The following GLIS3 variants were observed in gnomAD, a reference collection of about 807,000 sequenced individuals.
GLIS3 encodes GLIS family zinc finger 3.
A neutral mutation model predicts 78.6 loss-of-function variants in GLIS3; 53 were observed. The ratio of observed to expected loss-of-function variants is 0.67; its 90% CI spans 0.54 to 0.85. The LOEUF (loss-of-function observed/expected upper bound fraction) is 0.85, where lower values mean the gene tolerates loss of function less well. Among genes scored for constraint, GLIS3 ranks in the 40% least tolerant of loss-of-function variants. The probability of loss-of-function intolerance (pLI) is 0.00; values close to 1 mark genes in which losing one functional copy is unlikely to be tolerated. For synonymous variants in GLIS3, 684 were observed against 509.9 expected, an observed-to-expected ratio of 1.34 and a Z score of -4.60; for missense variants, 1,703 against 1,231.1, an observed-to-expected ratio of 1.38 and a Z score of -5.74.
In GLIS3 at chr9:4,223,313, C is replaced by G. The variant is rs992404520; in HGVS notation, c.388+62725G>C. Among the ~76,000 whole-genome samples, 10 of 152,180 alleles carry G rather than the reference C, an allele frequency of 6.6e-5. No homozygotes were observed. The South Asian group carries it at 8.3e-4, about 13-fold the overall frequency. On this transcript the variant is annotated intron_variant, in intron 2 of 10. Transcript: ENST00000381971. ...TGTCACTTTGGACAAGTTATTTAAT[C>G]TGGTGGGTGAGAAGGATACACAGCC...
the GLIS3 span, among the ~76,000 whole-genome samples, chr9:4,489,007 C>T: frequency 6.6e-6 from 1 of 152,182 alleles, no homozygotes; most frequent in Non-Finnish European, 1.5e-5. Context: ...GCTGCGACTA[C>T]AGGCACGTGC....
At chr9:4,469,401 GC>G in the GLIS3 span, among the ~76,000 whole-genome samples, 1 of 152,112 alleles carries the variant, frequency 6.6e-6, no homozygotes, top group Non-Finnish European at 1.5e-5. Context: ...GCACTCCTCA[GC>G]AAATGTAAAA....
At chr9:4,208,150 T>A (rs1000478436) in intron 2 of GLIS3, among the ~76,000 whole-genome samples, 2 of 152,248 alleles carry the variant, frequency 1.3e-5, no homozygotes, top group African/African-American at 4.8e-5. Flanking sequence ...AAAGCTTTTA[T>A]TTGACAAAGC....
intron 2 of GLIS3, among the ~76,000 whole-genome samples, chr9:4,326,051 T>C (rs1395395004): frequency 6.6e-6 from 1 of 152,108 alleles, no homozygotes; most frequent in Non-Finnish European, 1.5e-5. Context: ...CTGGGGCCTG[T>C]CGGGGGTGGC....
At chr9:4,354,268 G>A in the GLIS3 span, among the ~76,000 whole-genome samples, 1 of 152,122 alleles carries the variant, frequency 6.6e-6, no homozygotes, top group Non-Finnish European at 1.5e-5. Context: ...ACTTTCTCCA[G>A]CCAAACTTCC....
rs1820067924 is a variant in GLIS3, at chr9:4,208,400, G to C, written c.388+77638C>G. On this transcript the variant is annotated intron_variant, in intron 2 of 10. Coordinates refer to ENST00000381971, the MANE Select transcript of GLIS3 (RefSeq NM_001042413.2). Reference sequence around the variant, plus strand: ...CAGCTCAGCCTGACGTCAATGGCAAGGGGACTGAGCAAGGATCATGCCTCT... The same window carrying C: ...CAGCTCAGCCTGACGTCAATGGCAACGGGACTGAGCAAGGATCATGCCTCT... Among the ~76,000 whole-genome samples, 3 of 152,190 alleles carry C rather than the reference G, an allele frequency of 2.0e-5. No individual in the cohort carries two copies. The South Asian group carries it at 6.2e-4, about 32-fold the overall frequency.
intron 6 of GLIS3, 83 bp from the exon 7 acceptor site, chr9:3,898,918 G>C (rs749355262): frequency 2.0e-5 from 31 of 1,582,064 alleles, no homozygotes; most frequent in Non-Finnish European, 2.7e-5. Context: ...TGCTCTATCA[G>C]TGCAACTCAG....
intron 1 of GLIS3, among the ~76,000 whole-genome samples, chr9:4,297,889 C>G (rs4487831): frequency 2.6e-5 from 4 of 151,898 alleles, no homozygotes; most frequent in Non-Finnish European, 5.9e-5. Context: ...TATCGGTTCC[C>G]TATAGGACTG....
chr9:4,417,266 A>G, the GLIS3 span, among the ~76,000 whole-genome samples: 2 of 152,148 alleles, frequency 1.3e-5, no homozygotes, highest in African/African-American at 4.8e-5. Context: ...TGCTGTGGTG[A>G]CTGAATTTGA....
chr9:3,961,457 G>T (rs899764180), intron 4 of GLIS3, among the ~76,000 whole-genome samples: 5 of 152,192 alleles, frequency 3.3e-5, no homozygotes, highest in African/African-American at 1.2e-4. Context: ...TGGAAGTCAG[G>T]TGGAATTAAA....
At chr9:4,042,598 A>G (rs1824912548) in intron 4 of GLIS3, among the ~76,000 whole-genome samples, 1 of 152,152 alleles carries the variant, frequency 6.6e-6, no homozygotes, top group African/African-American at 2.4e-5. Context: ...ACTGATTCTG[A>G]GCAATTTATG....
intron 2 of GLIS3, among the ~76,000 whole-genome samples, chr9:4,259,695 G>T (rs1281240252): frequency 6.6e-6 from 1 of 152,180 alleles, no homozygotes; most frequent in Non-Finnish European, 1.5e-5. Context: ...AGCGAAGGAG[G>T]CAGGACCTGT....
the GLIS3 span, among the ~76,000 whole-genome samples, chr9:4,434,425 AT>A: frequency 1.3e-5 from 2 of 152,218 alleles, no homozygotes; most frequent in Non-Finnish European, 1.5e-5. Flanking sequence ...GCTCAAAAAA[AT>A]CTTTCCTAAG....
intron 9 of GLIS3, among the ~76,000 whole-genome samples, chr9:3,846,791 T>C (rs917320266): frequency 5.3e-5 from 8 of 152,148 alleles, no homozygotes; most frequent in Non-Finnish European, 1.2e-4. Context: ...CAAGAAGCAG[T>C]AATATATTAA....
intron 6 of GLIS3, among the ~76,000 whole-genome samples, chr9:3,915,851 G>C (rs188490101): frequency 6.6e-6 from 1 of 152,096 alleles, no homozygotes; most frequent in Non-Finnish European, 1.5e-5. Context: ...AAATACTCTC[G>C]CATATATATG....
At chr9:4,349,868 G>C (rs924242477), upstream of GLIS3, among the ~76,000 whole-genome samples, 7 of 152,222 alleles carry the variant, frequency 4.6e-5, no homozygotes, top group African/African-American at 1.4e-4. Context: ...TTAGCCTTCA[G>C]TTTATCTGGA....
intron 7 of GLIS3, among the ~76,000 whole-genome samples, chr9:3,882,715 C>T (rs75296717): frequency 0.013 from 2,018 of 152,228 alleles, 50 homozygotes; most frequent in African/African-American, 0.046. Context: ...CAGAAATGGG[C>T]AGTGGTCCTC....
intron 2 of GLIS3, among the ~76,000 whole-genome samples, chr9:4,234,960 C>T (rs1474416221): frequency 1.3e-5 from 2 of 152,102 alleles, no homozygotes; most frequent in African/African-American, 4.8e-5. Flanking sequence ...ATCAGTCCTG[C>T]CTCAGTTATG....
chr9:4,018,354 A>C (rs1327189447), intron 4 of GLIS3, among the ~76,000 whole-genome samples: 1 of 152,172 alleles, frequency 6.6e-6, no homozygotes, highest in Non-Finnish European at 1.5e-5. Flanking sequence ...GGATGCACAT[A>C]TCTGTCCCCA....
Sources: gnomAD v4.1 joint callset for allele counts (sites outside exome capture counted in the v4.1 genomes callset) on GRCh38, gnomAD v4.1.1 for gene constraint, MANE v1.5 for transcripts, NCBI Gene and HGNC (gene_info 2026-07-23, HGNC 2026-07-21) for gene names.